Variants in GC observed in about 807,000 individuals in gnomAD.
GC encodes GC vitamin D binding protein.
Under a neutral mutation model 56.7 loss-of-function variants are expected in GC, and 43 were observed. The ratio of observed to expected loss-of-function variants is 0.76; its 90% CI spans 0.59 to 0.98. The LOEUF (loss-of-function observed/expected upper bound fraction) is 0.98, where lower values mean the gene tolerates loss of function less well. GC is among the 50% of genes least tolerant of loss of function. GC has a pLI of 0.00. For missense variants in GC, 529 were observed against 545.9 expected (o/e 0.97, Z 0.31); for synonymous variants, 216 against 202.7 (o/e 1.07, Z -0.56).
intron 7 of GC, among the ~76,000 whole-genome samples, chr4:71,757,595 C>T (rs551797006): frequency 1.1e-3 from 68 of 63,010 alleles, no homozygotes; most frequent in African/African-American, 1.8e-3. Context: ...TGGAACTTTA[C>T]GCAATAATGA....
At chr4:71,797,025 A>G (rs758992423) in intron 1 of GC, among the ~76,000 whole-genome samples, 5 of 152,216 alleles carry the variant, frequency 3.3e-5, no homozygotes, top group Non-Finnish European at 5.9e-5. Flanking sequence ...ATTGCAGAAC[A>G]GCAAATATTG....
In GC at chr4:71,754,274, A is replaced by T; in HGVS notation, c.1262+137T>A. ...CACTCTATGAGATTCTGACTACTTT[A>T]AAAAACTCCTAATTGAACCTCCTTT... On this transcript the variant is annotated intron_variant, in intron 10 of 12. Transcript: ENST00000273951. The T allele has an allele frequency of 5.1e-6, 3 of 589,544 alleles. No homozygotes were observed. The South Asian group carries it at 6.3e-5, about 12-fold the overall frequency. 36.5% of individuals were successfully genotyped at this position (589,544 alleles called of 1,614,324 possible).
chr4:71,783,257 C>A (rs1454876033), intron 1 of GC, among the ~76,000 whole-genome samples: 1 of 151,684 alleles, frequency 6.6e-6, no homozygotes, highest in Non-Finnish European at 1.5e-5. Flanking sequence ...TAAATTGAAG[C>A]TAATGATGAA....
intron 1 of GC, among the ~76,000 whole-genome samples, chr4:71,780,445 C>CA (rs1296439024): frequency 6.6e-6 from 1 of 151,966 alleles, no homozygotes; most frequent in Non-Finnish European, 1.5e-5. Context: ...GAGTGAACAG[C>CA]AACCTACAGA....
chr4:71,760,006 G>A (rs1741911596), intron 6 of GC, among the ~76,000 whole-genome samples: 1 of 151,068 alleles, frequency 6.6e-6, no homozygotes, highest in Non-Finnish European at 1.5e-5. Context: ...GAGTATTCAA[G>A]TAGTTCTGAG....
At chr4:71,766,940 A>G (rs1742176193) in intron 3 of GC, among the ~76,000 whole-genome samples, 1 of 152,186 alleles carries the variant, frequency 6.6e-6, no homozygotes, top group Non-Finnish European at 1.5e-5. Flanking sequence ...CTGTTTTCTT[A>G]TGCTCCAGGA....
At chr4:71,772,380 T>C (rs1476509253) in intron 1 of GC, among the ~76,000 whole-genome samples, 2 of 152,168 alleles carry the variant, frequency 1.3e-5, no homozygotes, top group Non-Finnish European at 2.9e-5. Context: ...AAATCCTGTA[T>C]TCAAATGGGG....
intron 2 of GC, among the ~76,000 whole-genome samples, chr4:71,768,755 T>G (rs868070487): frequency 2.0e-5 from 3 of 152,352 alleles, no homozygotes; most frequent in South Asian, 2.1e-4. Flanking sequence ...TGAGCCGCCG[T>G]GCCCGACCAG....
Position 71,752,669 on chromosome 4 carries a change from G to A in GC, c.1263-19C>T, listed in dbSNP as rs759055765. On this transcript the variant is annotated intron_variant, in intron 10 of 12. Transcript: ENST00000273951. ...TGCCAGTCTGAAAAACCATTTAAAT[G>A]TAAGGTCTTACTACATGTATTTATT... 3.1e-6 allele frequency: 5 copies of A among 1,605,588 alleles called. No individual in the cohort carries two copies. The highest frequency in any genetic ancestry group is 4.3e-6 in the Non-Finnish European group (5 of 1,172,548).
At chr4:71,753,115 T>C (rs913611109) in intron 10 of GC, among the ~76,000 whole-genome samples, 4 of 152,084 alleles carry the variant, frequency 2.6e-5, no homozygotes, top group African/African-American at 9.7e-5. Flanking sequence ...AATACAGGAG[T>C]AAGGAAATTT....
chr4:71,784,417 C>T (rs1174491174), upstream of GC: 3 of 573,956 alleles, frequency 5.2e-6, no homozygotes, highest in Non-Finnish European at 6.6e-6. Flanking sequence ...TCTTTGGACA[C>T]CCCACCTTTC....
At chr4:71,760,342 G>A (rs537395364) in intron 6 of GC, among the ~76,000 whole-genome samples, 49 of 151,930 alleles carry the variant, frequency 3.2e-4, no homozygotes, top group Non-Finnish European at 4.7e-4. Flanking sequence ...GTGAGCCACC[G>A]TGCCTGGACA....
chr4:71,768,280 C>T (rs756753729), intron 3 of GC, 21 bp downstream of exon 3: 29 of 1,567,390 alleles, frequency 1.9e-5, no homozygotes, highest in South Asian at 4.7e-5. Flanking sequence ...GCCACAGAGA[C>T]GGCCAGCCAC....
chr4:71,774,493 A>T (rs112623420), intron 1 of GC, among the ~76,000 whole-genome samples: 124 of 128,672 alleles, frequency 9.6e-4, no homozygotes, highest in Non-Finnish European at 1.9e-3. Flanking sequence ...TTGCTTTTGT[A>T]GGGGTAAAGA....
intron 9 of GC, 142 bp downstream of exon 9, chr4:71,754,836 A>G: frequency 1.7e-6 from 1 of 598,594 alleles, no homozygotes; most frequent in Non-Finnish European, 2.9e-6. Flanking sequence ...TTTTTTCCCA[A>G]CAATGTAAAA....
In GC at chr4:71,758,042, C is replaced by A; in HGVS notation, c.831G>T (p.Glu277Asp). ...ESASEDCMAK[E>D]LPEHTVKLCD... Reference sequence around the variant, plus strand: ...ATAATGATAATAAAGCTTGTCTTACCTCTTTGGCCATGCAATCTTCAGAGG... The same window carrying A: ...ATAATGATAATAAAGCTTGTCTTACATCTTTGGCCATGCAATCTTCAGAGG... Residue 277 changes from glutamate to aspartate, a missense_variant and splice_region_variant, in exon 7 of 13, where the codon GAG (glutamate) becomes GAT (aspartate). Physicochemically the swap from Glu to Asp is conservative, Grantham distance 45 (BLOSUM62 2). Coordinates refer to ENST00000273951, the MANE Select transcript of GC (RefSeq NM_000583.4). 1 of 1,612,464 alleles carries A rather than the reference C, an allele frequency of 6.2e-7. No individual in the cohort carries two copies. The highest frequency in any genetic ancestry group is 8.5e-7 in the Non-Finnish European group (1 of 1,179,058).
intron 1 of GC, among the ~76,000 whole-genome samples, chr4:71,772,285 A>G (rs1416605344): frequency 6.6e-6 from 1 of 152,150 alleles, no homozygotes; most frequent in Non-Finnish European, 1.5e-5. Flanking sequence ...ATAGGAGCTA[A>G]GTTTGTTTAA....
At chr4:71,756,535 A>C (rs1741775438) in intron 8 of GC, among the ~76,000 whole-genome samples, 177 bp downstream of exon 8, 1 of 152,200 alleles carries the variant, frequency 6.6e-6, no homozygotes, top group Non-Finnish European at 1.5e-5. Flanking sequence ...GTGTTTTAAA[A>C]ATTTTAGTCA....
At chr4:71,793,956 G>A (rs1013432182) in intron 1 of GC, among the ~76,000 whole-genome samples, 16 of 152,258 alleles carry the variant, frequency 1.1e-4, no homozygotes, top group South Asian at 2.1e-4. Flanking sequence ...GATGGATTAC[G>A]TTTATTGATT....
Sources: gnomAD v4.1 joint callset for allele counts (sites outside exome capture counted in the v4.1 genomes callset) on GRCh38, gnomAD v4.1.1 for gene constraint, MANE v1.5 for transcripts, NCBI Gene and HGNC (gene_info 2026-07-23, HGNC 2026-07-21) for gene names.